The following APOB variants were observed in gnomAD, a reference collection of about 807,000 sequenced individuals.
The protein encoded by APOB is apolipoprotein B-100.
A neutral mutation model predicts 314.1 loss-of-function variants in APOB; 153 were observed. The ratio of observed to expected loss-of-function variants is 0.49; its 90% CI spans 0.43 to 0.56. The LOEUF (loss-of-function observed/expected upper bound fraction) is 0.56, where lower values mean the gene tolerates loss of function less well. Among genes scored for constraint, APOB ranks in the 20% least tolerant of loss-of-function variants. APOB has a pLI of 0.00. For missense variants in APOB, 5,430 were observed against 5,350.7 expected (o/e 1.01, Z -0.46); for synonymous variants, 2,087 against 2,036.4 (o/e 1.02, Z -0.67).
At position 21,042,441 on chromosome 2, in the gene APOB, T is replaced by G. The variant is rs1553301271; in HGVS notation, c.157A>C (p.Thr53Pro). The G allele has an allele frequency of 6.2e-7, 1 of 1,614,156 alleles. No homozygotes were observed. The highest frequency in any genetic ancestry group is 8.5e-7 in the Non-Finnish European group (1 of 1,180,034). The change falls in exon 3 of 29, where the codon ACA becomes CCA. Residue 53 changes from threonine (T) to proline (P), a missense_variant. Thr to Pro is a conservative substitution (Grantham distance 38, BLOSUM62 -1). Coordinates refer to ENST00000233242, the MANE Select transcript of APOB (RefSeq NM_000384.3). Reference sequence around the variant, plus strand: ...GAACTCTCAGCCTCATAGTTGTATGTGTACTTCCGGAGGTGCTTGAATCGG... The same window carrying G: ...GAACTCTCAGCCTCATAGTTGTATGGGTACTTCCGGAGGTGCTTGAATCGG... The part of the protein sequence containing the change: ...ATRFKHLRKY[T>P]YNYEAESSSG...
Position 21,012,382 on chromosome 2 carries a change from A to C in APOB, c.4486T>G (p.Tyr1496Asp). 1 of 1,614,242 alleles carries C rather than the reference A, an allele frequency of 6.2e-7. No individual in the cohort carries two copies. Among genetic ancestry groups the C allele is most frequent in the Non-Finnish European group, 8.5e-7 (1 of 1,180,050 alleles). Reference sequence around the variant, plus strand: ...GACAGGCCATATGTGCCTTTAGCATAGAACGAAGAGACTCTGAACTGCCCA... The same window carrying C: ...GACAGGCCATATGTGCCTTTAGCATCGAACGAAGAGACTCTGAACTGCCCA... ...IDGQFRVSSF[Y>D]AKGTYGLSCQ... Residue 1496 changes from tyrosine to aspartate, a missense_variant, in exon 26 of 29, where the codon TAT becomes GAT. Tyr to Asp is a radical substitution (Grantham distance 160). Around this residue, in one of 3 missense-constraint regions of APOB, gnomAD observed 2,085 missense variants for 2,079.7 expected, o/e 1.00. Coordinates refer to ENST00000233242, the MANE Select transcript of APOB (RefSeq NM_000384.3).
intron 4 of APOB, 42 bp downstream of exon 4, chr2:21,040,896 G>T (rs368611517): frequency 6.2e-7 from 1 of 1,610,918 alleles, no homozygotes; most frequent in South Asian, 1.1e-5. Flanking sequence ...ATACCTCAGC[G>T]GACACACACA....
Position 21,001,771 on chromosome 2 carries a change from A to G in APOB, c.13651T>C (p.Tyr4551His), listed in dbSNP as rs145832414. 479 of 1,613,924 alleles carry G rather than the reference A, an allele frequency of 3.0e-4. No individual in the cohort carries two copies. The highest frequency in any genetic ancestry group is 3.9e-4 in the Non-Finnish European group (465 of 1,179,936). ...AGTTCTCCTGGAGCAAGCTTCATGT[A>G]GGGGTTCATGACTGTGGTTGATTGC... ...KLQSTTVMNPYMKLAPGELTI... is the reference protein window; with the variant it reads ...KLQSTTVMNPHMKLAPGELTI... The change falls in exon 29 of 29, where the codon TAC becomes CAC. Residue 4551 changes from tyrosine to histidine, a missense_variant. Physicochemically the swap from Tyr to His is moderately conservative, Grantham distance 83. Coordinates refer to ENST00000233242, the MANE Select transcript of APOB (RefSeq NM_000384.3).
In APOB at chr2:21,002,688, T is replaced by G. The variant is rs777243467; in HGVS notation, c.12734A>C (p.Tyr4245Ser). 6 of 1,613,804 alleles carry G rather than the reference T, an allele frequency of 3.7e-6. No homozygotes were observed. In the South Asian group the frequency reaches 6.6e-5, roughly 18 times the overall value. ...AAGTGTAATCACTAGGTCTTGGAAA[T>G]AGGAAAACAGTATTTCTGAACCATT... is the stretch of plus-strand genomic sequence containing the variant. ...VHNGSEILFS[Y>S]FQDLVITLPF... The change falls in exon 29 of 29, where the codon TAT (tyrosine) becomes TCT (serine). Residue 4245 changes from tyrosine to serine, a missense_variant. Coordinates refer to ENST00000233242, the MANE Select transcript of APOB (RefSeq NM_000384.3).
chr2:21,028,517 T>G lies in APOB; in HGVS notation c.1639A>C (p.Thr547Pro). The change falls in exon 13 of 29, where the codon ACT (threonine) becomes CCT (proline). Residue 547 changes from threonine to proline, a missense_variant. Thr to Pro is a conservative substitution (Grantham distance 38, BLOSUM62 -1). Around this residue, in one of 3 missense-constraint regions of APOB, gnomAD observed 2,085 missense variants for 2,079.7 expected, o/e 1.00. Transcript: ENST00000233242. ...KDKDQEVLLQ[T>P]FLDDASPGDK... ...CCCGGAGAAGCATCATCAAGGAAAG[T>G]CTGAAGAAGAACCTCCTGGTCCTGC... 1 of 1,613,108 alleles carries G rather than the reference T, an allele frequency of 6.2e-7. No individual in the cohort carries two copies.
At chr2:21,040,371 G>GA (rs1274018037) in intron 4 of APOB, among the ~76,000 whole-genome samples, 1 of 152,208 alleles carries the variant, frequency 6.6e-6, no homozygotes, top group Non-Finnish European at 1.5e-5. Flanking sequence ...ACACACCTAG[G>GA]ACCCTACAAA....
At position 21,006,928 on chromosome 2, in the gene APOB, T is replaced by A; in HGVS notation, c.9940A>T (p.Lys3314Ter). The stretch of plus-strand genomic sequence containing the variant: ...TCCTTGAAATCTGGAAGAGAAAGCT[T>A]GAGATTTCTAGGGACATGAAGGACT... ...LPVLHVPRNLKLSLPDFKELC... is the reference protein window; with the variant it reads ...LPVLHVPRNL The change falls in exon 26 of 29, where the codon AAG becomes TAG. Residue 3314 changes from lysine (K) to a stop codon, truncating the protein, a stop_gained. Transcript: ENST00000233242. LOFTEE classifies it high-confidence loss of function. 6.2e-7 allele frequency: 1 copy of A among 1,612,194 alleles called. No homozygotes were observed. Among genetic ancestry groups the A allele is most frequent in the East Asian group, 2.2e-5 (1 of 44,868 alleles).
chr2:21,011,876 G>A lies in APOB; in HGVS notation c.4992C>T (p.Leu1664=), dbSNP rs751098672. ...CATTCAGCTCATTCTCCAGCACCAG[G>A]AGACTACACTTCAAGTTGGTCGTTG... The part of the protein sequence containing the change: ...TSATTNLKCS[L]LVLENELNAE... Residue 1664 remains leucine (L), a synonymous_variant, in exon 26 of 29, where the codon CTC becomes CTT. Coordinates refer to ENST00000233242, the MANE Select transcript of APOB (RefSeq NM_000384.3). 1 of 1,613,688 alleles carries A rather than the reference G, an allele frequency of 6.2e-7. No individual in the cohort carries two copies. The highest frequency in any genetic ancestry group is 8.5e-7 in the Non-Finnish European group (1 of 1,179,946).
Position 21,011,271 on chromosome 2 carries a change from T to A in APOB, c.5597A>T (p.His1866Leu). The A allele has an allele frequency of 6.2e-7, 1 of 1,614,218 alleles. No homozygotes were observed. The highest frequency in any genetic ancestry group is 8.5e-7 in the Non-Finnish European group (1 of 1,180,012). ...VAKVQGVEFS[H>L]RLNTDIAGLA... ...CCCAGCGATGTCTGTGTTGAGCCGA[T>A]GGCTAAACTCCACACCCTGAACCTT... Residue 1866 changes from histidine (H) to leucine (L), a missense_variant, in exon 26 of 29, where the codon CAT (histidine) becomes CTT (leucine). His to Leu is a moderately conservative substitution (Grantham distance 99). Coordinates refer to ENST00000233242, the MANE Select transcript of APOB (RefSeq NM_000384.3).
chr2:21,019,894 T>C lies in APOB; in HGVS notation c.2828A>G (p.His943Arg), dbSNP rs758344650. The C allele has an allele frequency of 3.1e-6, 5 of 1,614,060 alleles. No homozygotes were observed. The East Asian group carries it at 1.1e-4, about 36-fold the overall frequency. ...VKLLSGGNTLHLVSTTKTEVI... is the reference protein window; with the variant it reads ...VKLLSGGNTLRLVSTTKTEVI... The stretch of plus-strand genomic sequence containing the variant: ...CTCCGTTTTGGTGGTAGAGACCAAA[T>C]GTAATGTGTTGCTGGTGAAGAACAA... The change falls in exon 19 of 29, where the codon CAT becomes CGT. Residue 943 changes from histidine to arginine, a missense_variant. Physicochemically the swap from His to Arg is conservative, Grantham distance 29. Transcript: ENST00000233242.
rs776056927 is a variant in APOB, at chr2:21,008,337, A to T, written c.8531T>A (p.Leu2844Gln). Residue 2844 changes from leucine to glutamine, a missense_variant, in exon 26 of 29, where the codon CTG (leucine) becomes CAG (glutamine). Physicochemically the swap from Leu to Gln is moderately radical, Grantham distance 113. Around this residue, in one of 3 missense-constraint regions of APOB, gnomAD observed 3,281 missense variants for 3,171.0 expected, o/e 1.03. Coordinates refer to ENST00000233242, the MANE Select transcript of APOB (RefSeq NM_000384.3). The part of the protein sequence containing the change: ...YLRTEHGSEM[L>Q]FFGNAIEGKS... ...TCCCTCAATAGCATTTCCAAAAAAC[A>T]GCATTTCACTCCCATGCTCCGTTCT... is the stretch of plus-strand genomic sequence containing the variant. The T allele has an allele frequency of 3.0e-5, 49 of 1,613,120 alleles. No homozygotes were observed. Among genetic ancestry groups the T allele is most frequent in the Non-Finnish European group, 4.1e-5 (48 of 1,179,368 alleles).
chr2:21,041,115 T>G, intron 3 of APOB, 32 bp from the exon 4 acceptor site: 1 of 1,604,842 alleles, frequency 6.2e-7, no homozygotes, highest in African/African-American at 1.3e-5. Flanking sequence ...GCATTGAGGT[T>G]GTCTATCAAG....
In APOB at chr2:21,009,863, A is replaced by T. The variant is rs1663256966; in HGVS notation, c.7005T>A (p.Asn2335Lys). Residue 2335 changes from asparagine (N) to lysine (K), a missense_variant, in exon 26 of 29, where the codon AAT (asparagine) becomes AAA (lysine). By Grantham distance (94) the Asn-to-Lys change is moderately conservative. This residue lies in a region of APOB where 3,281 missense variants were observed against 3,171.0 expected (regional missense o/e 1.03). Transcript: ENST00000233242. ...IGDFEVAEKINAFRAKVHELI... is the reference protein window; with the variant it reads ...IGDFEVAEKIKAFRAKVHELI... ...ACTCATGGACTTTGGCTCTGAAGGC[A>T]TTGATTTTCTCAGCTACTTCAAAAT... The T allele has an allele frequency of 6.2e-6, 10 of 1,614,038 alleles. No individual in the cohort carries two copies. Among genetic ancestry groups the T allele is most frequent in the Non-Finnish European group, 8.5e-6 (10 of 1,179,946 alleles).
chr2:21,012,435 T>A lies in APOB; in HGVS notation c.4433A>T (p.His1478Leu). The A allele has an allele frequency of 6.2e-7, 1 of 1,614,178 alleles. No individual in the cohort carries two copies. Among genetic ancestry groups the A allele is most frequent in the Non-Finnish European group, 8.5e-7 (1 of 1,180,016 alleles). The change falls in exon 26 of 29, where the codon CAT becomes CTT. Residue 1478 changes from histidine (H) to leucine (L), a missense_variant. His to Leu is a moderately conservative substitution (Grantham distance 99). Coordinates refer to ENST00000233242, the MANE Select transcript of APOB (RefSeq NM_000384.3). ...AATCTTGACTTCTTTGACAAACAAA[T>A]GCTGTTTCTTTTTGGAGTCCAAATG... ...SVHLDSKKKQHLFVKEVKIDG... is the reference protein window; with the variant it reads ...SVHLDSKKKQLLFVKEVKIDG...
intron 12 of APOB, among the ~76,000 whole-genome samples, chr2:21,029,031 G>A (rs189514419): frequency 3.3e-5 from 5 of 152,308 alleles, no homozygotes; most frequent in African/African-American, 9.6e-5. Context: ...AATCTGGTAG[G>A]TGGACGGTAG....
chr2:21,034,398 G>A (rs770486832), intron 8 of APOB, among the ~76,000 whole-genome samples: 1 of 152,152 alleles, frequency 6.6e-6, no homozygotes, highest in Non-Finnish European at 1.5e-5. Context: ...ATACAATACT[G>A]GGTAAGGGTT....
rs1558564359 is a variant in APOB, at chr2:21,010,595, T to C, written c.6273A>G (p.Val2091=). ...FERNRQTIIV[V]LENVQRNLKH... is the part of the protein sequence containing the mutation. ...TCAGGTTTCTCTGTACGTTTTCCAG[T>C]ACAACTATAATGGTTTGTCGATTCC... is the stretch of plus-strand genomic sequence containing the variant. The change falls in exon 26 of 29, where the codon GTA becomes GTG. Residue 2091 remains valine, a synonymous_variant. Coordinates refer to ENST00000233242, the MANE Select transcript of APOB (RefSeq NM_000384.3). The C allele has an allele frequency of 1.9e-6, 3 of 1,614,056 alleles. No individual in the cohort carries two copies. Among genetic ancestry groups the C allele is most frequent in the Non-Finnish European group, 2.5e-6 (3 of 1,179,964 alleles).
chr2:21,010,756 C>T lies in APOB; in HGVS notation c.6112G>A (p.Asp2038Asn), dbSNP rs1663290492. Residue 2038 changes from aspartate to asparagine, a missense_variant, in exon 26 of 29, where the codon GAT becomes AAT. Coordinates refer to ENST00000233242, the MANE Select transcript of APOB (RefSeq NM_000384.3). ...LLLSEPINII[D>N]ALEMRDAVEK... ...ACGGCATCTCTCATCTCTAAAGCAT[C>T]AATGATATTGATGGGCTCACTGAGT... 3.1e-6 allele frequency: 5 copies of T among 1,614,108 alleles called. No homozygotes were observed. The highest frequency in any genetic ancestry group is 4.2e-6 in the Non-Finnish European group (5 of 1,179,996).
At chr2:21,028,616 C>T (rs148994238) in intron 12 of APOB, 78 bp from the exon 13 acceptor site, 16 of 967,676 alleles carry the variant, frequency 1.7e-5, no homozygotes, top group African/African-American at 1.4e-4. Context: ...CTGGCATTGT[C>T]TGCTAGCTCT....
Sources: gnomAD v4.1 joint callset for allele counts (sites outside exome capture counted in the v4.1 genomes callset) on GRCh38, gnomAD v4.1.1 for gene constraint, gnomAD v4.1.1 regional missense constraint, MANE v1.5 for transcripts, NCBI Gene and HGNC (gene_info 2026-07-23, HGNC 2026-07-21) for gene names.